RHOA: variants seen among roughly 807,000 people sequenced by gnomAD.
RHOA encodes the protein ras homolog family member A, also known as transforming protein RhoA.
RHOA carries 3 observed loss-of-function variants against 17.5 expected under a neutral mutation model. The observed-to-expected ratio is 0.17, with a 90% confidence interval of 0.08 to 0.44. RHOA has a LOEUF of 0.44. RHOA is among the 20% of genes least tolerant of loss of function. The pLI is 0.99. For synonymous variants in RHOA, 98 were observed against 88.4 expected, an observed-to-expected ratio of 1.11 and a Z score of -0.61; for missense variants, 56 against 242.3, an observed-to-expected ratio of 0.23 and a Z score of 5.10.
At position 49,379,861 on chromosome 3, in the gene RHOA, T is replaced by C. The variant is rs554643928; in HGVS notation, c.-2-4270A>G. Reference sequence around the variant, plus strand: ...CTTTAAAAAGGTGAATTGTAAGATATGTGGATTATATTTCAATAAAGCTGT... The same window carrying C: ...CTTTAAAAAGGTGAATTGTAAGATACGTGGATTATATTTCAATAAAGCTGT... On this transcript the variant is annotated intron_variant, in intron 1 of 4. Coordinates refer to ENST00000418115, the MANE Select transcript of RHOA (RefSeq NM_001664.4). Among the ~76,000 whole-genome samples the C allele has an allele frequency of 2.8e-4, 42 of 152,338 alleles. 1 individual carries two copies. The highest frequency in any genetic ancestry group is 4.7e-4 in the Non-Finnish European group (32 of 68,032).
chr3:49,368,709 T>TTC (rs2048099137), intron 2 of RHOA, among the ~76,000 whole-genome samples, 161 bp from the exon 3 acceptor site: 1 of 142,682 alleles, frequency 7.0e-6, no homozygotes, highest in African/African-American at 2.7e-5. Context: ...TCTTTTTTCT[T>TTC]TTTTTTTTTT....
rs1400039256 is a variant in RHOA, at chr3:49,362,378, G to A, written c.408+118C>T. 11 of 1,052,374 alleles carry A rather than the reference G, an allele frequency of 1.0e-5. No individual in the cohort carries two copies. The Admixed American group carries it at 2.3e-4, about 22-fold the overall frequency. The allele number at this position is 1,052,374 out of a possible 1,614,324, so 65.2% of individuals were successfully genotyped here. A position where few individuals can be genotyped will look rare whatever the true frequency, so the allele number is the denominator to read the frequency against. ...TAATGAGGGTCAGAGGGCCACAGAGGGGCTTCTGAGCCTCTAAAACAACCT... is the reference window on the plus strand; with the variant it reads ...TAATGAGGGTCAGAGGGCCACAGAGAGGCTTCTGAGCCTCTAAAACAACCT... On this transcript the variant is annotated intron_variant, in intron 4 of 4. Coordinates refer to ENST00000418115, the MANE Select transcript of RHOA (RefSeq NM_001664.4).
At chr3:49,365,341 C>T (rs1004025019) in intron 3 of RHOA, 1 of 151,908 alleles carries the variant, frequency 6.6e-6, no homozygotes, top group African/African-American at 2.4e-5. Context: ...GACAGGGATT[C>T]ACCATGTTGG....
intron 1 of RHOA, among the ~76,000 whole-genome samples, chr3:49,382,341 T>TA (rs1314997552): frequency 6.7e-6 from 1 of 149,884 alleles, no homozygotes; most frequent in East Asian, 2.0e-4. Context: ...ATAAATAAAA[T>TA]AAAAAAATAG....
At chr3:49,367,465 CT>C (rs2048077995) in intron 3 of RHOA, among the ~76,000 whole-genome samples, 1 of 151,206 alleles carries the variant, frequency 6.6e-6, no homozygotes, top group African/African-American at 2.4e-5. Context: ...CAGAAAAAGG[CT>C]AAGACAGGGC....
intron 1 of RHOA, among the ~76,000 whole-genome samples, chr3:49,376,460 G>A (rs963229335): frequency 6.6e-6 from 1 of 150,776 alleles, no homozygotes; most frequent in African/African-American, 2.4e-5. Flanking sequence ...TGGCTAACAC[G>A]GAGAAACCCC....
chr3:49,401,630 T>C (rs568644951), intron 1 of RHOA, among the ~76,000 whole-genome samples: 1 of 151,866 alleles, frequency 6.6e-6, no homozygotes, highest in Non-Finnish European at 1.5e-5. Flanking sequence ...ACTGACTGCA[T>C]GGGAAATTCC....
At chr3:49,404,082 T>C (rs1304076562) in intron 1 of RHOA, among the ~76,000 whole-genome samples, 1 of 151,754 alleles carries the variant, frequency 6.6e-6, no homozygotes, top group Non-Finnish European at 1.5e-5. Context: ...GGAGGACTGT[T>C]TGAGCCCAGG....
At chr3:49,395,574 G>A (rs1229869345) in intron 1 of RHOA, among the ~76,000 whole-genome samples, 1 of 151,856 alleles carries the variant, frequency 6.6e-6, no homozygotes, top group African/African-American at 2.4e-5. Context: ...TTAGCCAGGC[G>A]TGGTGGTGGG....
At chr3:49,361,029 G>A (rs1357767178) in intron 4 of RHOA, 2 of 188,418 alleles carry the variant, frequency 1.1e-5, no homozygotes, top group Non-Finnish European at 2.3e-5. Context: ...AGCCAAGATC[G>A]TGCCACAGCA....
chr3:49,361,789 G>A (rs1300298747), intron 4 of RHOA, among the ~76,000 whole-genome samples: 1 of 152,114 alleles, frequency 6.6e-6, no homozygotes, highest in Non-Finnish European at 1.5e-5. Flanking sequence ...GCTGAGGCAG[G>A]AGAATCACTT....
intron 1 of RHOA, among the ~76,000 whole-genome samples, chr3:49,408,991 T>C (rs1228693688): frequency 6.6e-6 from 1 of 151,402 alleles, no homozygotes; most frequent in African/African-American, 2.4e-5. Flanking sequence ...AGACGGGGTT[T>C]CACCGTGTTA....
At chr3:49,408,168 A>G (rs1212994633) in intron 1 of RHOA, among the ~76,000 whole-genome samples, 1 of 26,124 alleles carries the variant, frequency 3.8e-5, no homozygotes. Flanking sequence ...CAAAAGAGAA[A>G]AAAAAAAAAA....
intron 4 of RHOA, chr3:49,360,927 CCT>C: frequency 2.7e-6 from 1 of 370,550 alleles, no homozygotes; most frequent in Non-Finnish European, 5.4e-6. Context: ...CAAAAAATCA[CCT>C]GGGTGTGGTA....
At position 49,408,261 on chromosome 3, in the gene RHOA, CGT is replaced by C. The variant is rs2048872077; in HGVS notation, c.-3+3557_-3+3558del. Among the ~76,000 whole-genome samples the C allele has an allele frequency of 1.1e-4, 6 of 52,570 alleles. No individual in the cohort carries two copies. The Admixed American group carries it at 2.0e-3, about 17-fold the overall frequency. The allele number at this position is 52,570 out of a possible 152,430, so 34.5% of individuals were successfully genotyped here. A position where few individuals can be genotyped will look rare whatever the true frequency, so the allele number is the denominator to read the frequency against. ...ACACGTATATGTACACATATATATACGTATACACGTATATACGTATACACAAG... is the reference window on the plus strand; with the variant it reads ...ACACGTATATGTACACATATATATACATACACGTATATACGTATACACAAG... On this transcript the variant is annotated intron_variant, in intron 1 of 4. Transcript: ENST00000418115.
At position 49,360,142 on chromosome 3, in the gene RHOA, C is replaced by G. The variant is rs1366236917; in HGVS notation, c.*67G>C. ...TAGATAAATGAAAAAGGCCAGTAAT[C>G]ATACACTAAGATTAATAAACAGCAC... On this transcript the variant is annotated 3_prime_UTR_variant, in exon 5 of 5. Transcript: ENST00000418115. The G allele has an allele frequency of 1.4e-6, 2 of 1,451,944 alleles. No individual in the cohort carries two copies. The highest frequency in any genetic ancestry group is 1.9e-6 in the Non-Finnish European group (2 of 1,068,134). 89.9% of individuals were successfully genotyped at this position (1,451,944 alleles called of 1,614,324 possible).
chr3:49,379,963 G>A (rs2048291220), intron 1 of RHOA, among the ~76,000 whole-genome samples: 1 of 152,206 alleles, frequency 6.6e-6, no homozygotes, highest in African/African-American at 2.4e-5. Flanking sequence ...GACAGTGATG[G>A]TCAACCATCC....
At chr3:49,406,878 T>G (rs1184654887) in intron 1 of RHOA, 1 of 152,144 alleles carries the variant, frequency 6.6e-6, no homozygotes, top group Admixed American at 6.6e-5. Context: ...GGCTCATGCT[T>G]GTAATCCCAA....
At chr3:49,382,994 C>T (rs2107863341) in intron 1 of RHOA, among the ~76,000 whole-genome samples, 1 of 151,542 alleles carries the variant, frequency 6.6e-6, no homozygotes, top group East Asian at 1.9e-4. Context: ...GCAAAGGTTG[C>T]AGTGAGCCGA....
Sources: allele counts gnomAD v4.1 joint callset (sites outside exome capture counted in the v4.1 genomes callset), GRCh38; gene constraint gnomAD v4.1.1; transcripts MANE v1.5; gene names NCBI Gene and HGNC (gene_info 2026-07-23, HGNC 2026-07-21).